TMEM131L: variants seen among roughly 807,000 people sequenced by gnomAD.
TMEM131L encodes transmembrane 131 like, also known as transmembrane protein 131-like.
A neutral mutation model predicts 192.2 loss-of-function variants in TMEM131L; 54 were observed. That is an observed-to-expected ratio of 0.28 (90% CI 0.23 to 0.35). The LOEUF (loss-of-function observed/expected upper bound fraction) is 0.35, where lower values mean the gene tolerates loss of function less well. Among genes scored for constraint, TMEM131L ranks in the 10% least tolerant of loss-of-function variants. The pLI, the probability that TMEM131L is intolerant of heterozygous loss-of-function variation, is 1.00. For synonymous variants in TMEM131L, 701 were observed against 704.9 expected, an observed-to-expected ratio of 0.99 and a Z score of 0.09; for missense variants, 1,888 against 1,972.9, an observed-to-expected ratio of 0.96 and a Z score of 0.82.
At chr4:153,574,063 G>T (rs1191259443) in intron 7 of TMEM131L, among the ~76,000 whole-genome samples, 1 of 152,192 alleles carries the variant, frequency 6.6e-6, no homozygotes, top group Non-Finnish European at 1.5e-5. Flanking sequence ...CTTAGAGTGG[G>T]TGGGGAATGT....
chr4:153,595,401 C>T (rs534269239), intron 19 of TMEM131L, among the ~76,000 whole-genome samples: 156 of 152,222 alleles, frequency 1.0e-3, no homozygotes, highest in African/African-American at 3.8e-3. Flanking sequence ...ATATTACCTG[C>T]GTAAAGCAGG....
chr4:153,481,921 A>G (rs984663732), intron 3 of TMEM131L, among the ~76,000 whole-genome samples: 1 of 152,048 alleles, frequency 6.6e-6, no homozygotes, highest in Non-Finnish European at 1.5e-5. Context: ...ATCTCGGCTC[A>G]CTGCAGCCTC....
intron 3 of TMEM131L, among the ~76,000 whole-genome samples, chr4:153,509,227 G>T (rs1041013092): frequency 5.3e-5 from 8 of 151,736 alleles, no homozygotes; most frequent in African/African-American, 1.7e-4. Flanking sequence ...TGGGCATGGT[G>T]GTGGCATGCA....
intron 3 of TMEM131L, among the ~76,000 whole-genome samples, chr4:153,491,996 G>A (rs1490052426): frequency 3.3e-5 from 5 of 151,866 alleles, no homozygotes; most frequent in Admixed American, 2.6e-4. Flanking sequence ...CACCACACCT[G>A]GCAGTTTTTT....
intron 3 of TMEM131L, among the ~76,000 whole-genome samples, chr4:153,511,276 A>C (rs12171465): frequency 0.028 from 4,194 of 152,346 alleles, 77 homozygotes; most frequent in South Asian, 0.066. Flanking sequence ...TGTGGTACAT[A>C]TACACCGTGG....
At chr4:153,556,033 T>G in intron 5 of TMEM131L, 123 bp downstream of exon 5, 1 of 938,036 alleles carries the variant, frequency 1.1e-6, no homozygotes, top group East Asian at 2.9e-5. Flanking sequence ...CCCAAACCTT[T>G]TCCTTCTGTG....
At chr4:153,626,415 T>C (rs1244987139) in intron 30 of TMEM131L, among the ~76,000 whole-genome samples, 190 bp downstream of exon 30, 1 of 152,218 alleles carries the variant, frequency 6.6e-6, no homozygotes, top group Non-Finnish European at 1.5e-5. Context: ...TGGGAGAGGC[T>C]CAGGTATCGC....
intron 32 of TMEM131L, among the ~76,000 whole-genome samples, chr4:153,633,622 T>C (rs1022842665): frequency 2.0e-5 from 3 of 152,232 alleles, no homozygotes; most frequent in Non-Finnish European, 4.4e-5. Context: ...CATTAATATG[T>C]CATTCTATTA....
At chr4:153,556,400 C>T (rs1298425581) in intron 5 of TMEM131L, among the ~76,000 whole-genome samples, 1 of 152,134 alleles carries the variant, frequency 6.6e-6, no homozygotes, top group Non-Finnish European at 1.5e-5. Context: ...AGAGCTCAAA[C>T]TTAGTCTTCT....
intron 15 of TMEM131L, 97 bp from the exon 16 acceptor site, chr4:153,588,793 C>T (rs1578810422): frequency 1.5e-6 from 1 of 684,356 alleles, no homozygotes; most frequent in East Asian, 2.6e-5. Flanking sequence ...CTACAGTCCT[C>T]TCAGTTTAAG....
chr4:153,502,052 A>G (rs4696465), intron 3 of TMEM131L, among the ~76,000 whole-genome samples: 6,089 of 150,794 alleles, frequency 0.04, 472 homozygotes, highest in East Asian at 0.24. Flanking sequence ...TCAGGGCTCA[A>G]GTGATCCTTC....
chr4:153,554,957 G>C (rs571157997), intron 4 of TMEM131L, among the ~76,000 whole-genome samples: 37 of 152,208 alleles, frequency 2.4e-4, no homozygotes, highest in Non-Finnish European at 5.1e-4. Context: ...AAAAGAATGG[G>C]TATCAAACCC....
chr4:153,574,162 G>A (rs1019229509), intron 7 of TMEM131L, among the ~76,000 whole-genome samples: 1 of 152,132 alleles, frequency 6.6e-6, no homozygotes, highest in African/African-American at 2.4e-5. Flanking sequence ...ATGTGGATAA[G>A]GAAAAATGCT....
chr4:153,554,037 G>A (rs1005136563), intron 4 of TMEM131L: 11 of 152,108 alleles, frequency 7.2e-5, no homozygotes, highest in African/African-American at 2.7e-4. Context: ...ATTTTCTCAT[G>A]TATTTCTCTG....
intron 3 of TMEM131L, among the ~76,000 whole-genome samples, chr4:153,518,595 G>C (rs1468911921): frequency 1.3e-5 from 2 of 152,158 alleles, no homozygotes; most frequent in Non-Finnish European, 2.9e-5. Context: ...AAGGGATATA[G>C]AATAGTGATA....
chr4:153,586,453 G>A (rs1730707318), intron 14 of TMEM131L, 74 bp downstream of exon 14: 1 of 1,131,898 alleles, frequency 8.8e-7, no homozygotes, highest in African/African-American at 1.6e-5. Context: ...TTTAGTGCTT[G>A]AGTTTTATTA....
intron 7 of TMEM131L, among the ~76,000 whole-genome samples, chr4:153,571,106 G>A (rs1729560273): frequency 6.6e-6 from 1 of 151,856 alleles, no homozygotes; most frequent in Middle Eastern, 3.4e-3. Context: ...TTCTCCCAAA[G>A]CAAAAGAGAT....
At chr4:153,576,223 G>A (rs573206857) in intron 7 of TMEM131L, among the ~76,000 whole-genome samples, 54 of 152,248 alleles carry the variant, frequency 3.5e-4, no homozygotes, top group Non-Finnish European at 6.5e-4. Flanking sequence ...GCCTCCCAGA[G>A]TGCTGGGATT....
chr4:153,513,842 A>G lies in TMEM131L; in HGVS notation c.240-36231A>G, dbSNP rs144731156. On this transcript the variant is annotated intron_variant, in intron 3 of 34. Coordinates refer to ENST00000409959, the MANE Select transcript of TMEM131L (RefSeq NM_001131007.2). ...CTCTCTATGTCATTATCATGCTACA[A>G]TTTTGTCAAGAATTACACTAAAAAT... Among the ~76,000 whole-genome samples, 34 of 152,312 alleles carry G rather than the reference A, an allele frequency of 2.2e-4. No individual in the cohort carries two copies. In the East Asian group the frequency reaches 5.4e-3, roughly 24 times the overall value.
Sources: allele counts gnomAD v4.1 joint callset (sites outside exome capture counted in the v4.1 genomes callset), GRCh38; gene constraint gnomAD v4.1.1; transcripts MANE v1.5; gene names NCBI Gene and HGNC (gene_info 2026-07-23, HGNC 2026-07-21).